Variants in IKBKB-DT observed in about 807,000 individuals in gnomAD.
IKBKB-DT encodes IKBKB divergent transcript, also known as IKBKB antisense RNA.
intron 3 of IKBKB-DT, among the ~76,000 whole-genome samples, chr8:42,242,088 G>T (rs550209869): frequency 6.6e-6 from 1 of 152,086 alleles, no homozygotes; most frequent in Non-Finnish European, 1.5e-5. Flanking sequence ...GTTGGTGCGC[G>T]CCTGTAATCT....
chr8:42,245,546 G>C (rs893560774), intron 3 of IKBKB-DT, among the ~76,000 whole-genome samples: 6 of 152,230 alleles, frequency 3.9e-5, no homozygotes, highest in Non-Finnish European at 8.8e-5. Flanking sequence ...GCCAGGCAGA[G>C]TAACGCAGGT....
intron 3 of IKBKB-DT, among the ~76,000 whole-genome samples, chr8:42,243,403 A>G (rs1199536416): frequency 6.6e-6 from 1 of 152,210 alleles, no homozygotes; most frequent in African/African-American, 2.4e-5. Context: ...AGGAGGAAAA[A>G]GAAGAAAGAG....
rs545410827 is a variant in IKBKB-DT at position 42,267,133 on chromosome 8, T to A, written n.604-737A>T. 6.6e-5 allele frequency among the ~76,000 whole-genome samples: 10 copies of A among 151,926 alleles called. No homozygotes were observed. The East Asian group carries it at 1.9e-3, about 30-fold the overall frequency. On this transcript the variant is annotated intron_variant and non_coding_transcript_variant, in intron 1 of 3. Transcript: ENST00000518213. Reference sequence around the variant, plus strand: ...CATTCTCCTGCCTCAGCCTCCTGAGTAGCTGGGACTACAGGCGCCCGCCAC... The same window carrying A: ...CATTCTCCTGCCTCAGCCTCCTGAGAAGCTGGGACTACAGGCGCCCGCCAC...
At chr8:42,239,741 G>T (rs1170211118) in intron 3 of IKBKB-DT, among the ~76,000 whole-genome samples, 1 of 149,284 alleles carries the variant, frequency 6.7e-6, no homozygotes, top group African/African-American at 2.5e-5. Flanking sequence ...TGCCTCACAG[G>T]TTCAAGTGAT....
chr8:42,256,816 G>C (rs1585466292), intron 3 of IKBKB-DT, among the ~76,000 whole-genome samples: 1 of 152,130 alleles, frequency 6.6e-6, no homozygotes, highest in South Asian at 2.1e-4. Flanking sequence ...GGGCCTACCA[G>C]GAAATGACTT....
chr8:42,264,635 T>C lies in IKBKB-DT; in HGVS notation n.1385+980A>G, dbSNP rs111633448. 9.7e-3 allele frequency among the ~76,000 whole-genome samples: 1,484 copies of C among 152,318 alleles called. 29 individuals carry two copies. Among genetic ancestry groups the C allele is most frequent in the African/African-American group, 0.034 (1,414 of 41,554 alleles). ...GTGCAGTAGCACGATCTCAGCTCAT[T>C]GCAGCCTCCGCCTCCCTAGTTCAAG... is the stretch of plus-strand genomic sequence containing the variant. On this transcript the variant is annotated intron_variant and non_coding_transcript_variant, in intron 2 of 3. Coordinates refer to ENST00000518213, the Ensembl canonical transcript of IKBKB-DT.
At chr8:42,255,031 CG>C (rs1563277226) in intron 3 of IKBKB-DT, among the ~76,000 whole-genome samples, 1 of 150,982 alleles carries the variant, frequency 6.6e-6, no homozygotes, top group Non-Finnish European at 1.5e-5. Flanking sequence ...GTGAGGAGCG[CG>C]TCTGCCCAGC....
chr8:42,248,886 A>ACAAATATC (rs1354603147), intron 3 of IKBKB-DT, among the ~76,000 whole-genome samples: 1 of 151,476 alleles, frequency 6.6e-6, no homozygotes, highest in Non-Finnish European at 1.5e-5. Flanking sequence ...AAAAAAAAAA[A>ACAAATATC]CAAATATCCC....
chr8:42,244,748 G>T (rs1162062865), intron 3 of IKBKB-DT, among the ~76,000 whole-genome samples: 4 of 152,168 alleles, frequency 2.6e-5, no homozygotes, highest in African/African-American at 7.2e-5. Flanking sequence ...TTGGGTCAGG[G>T]TTTGGAAAGA....
chr8:42,267,201 T>C (rs541529590), intron 1 of IKBKB-DT, among the ~76,000 whole-genome samples: 1 of 152,160 alleles, frequency 6.6e-6, no homozygotes, highest in African/African-American at 2.4e-5. Flanking sequence ...AGACGGGGTT[T>C]CACCGTGTTA....
At chr8:42,235,063 A>G (rs1806900539) in intron 3 of IKBKB-DT, among the ~76,000 whole-genome samples, 1 of 152,166 alleles carries the variant, frequency 6.6e-6, no homozygotes, top group Admixed American at 6.5e-5. Context: ...AGAGGTCATA[A>G]GATTTGCAAC....
chr8:42,255,523 CAACCACATAAAGA>C (rs1807186591), intron 3 of IKBKB-DT: 1 of 152,156 alleles, frequency 6.6e-6, no homozygotes, highest in South Asian at 2.1e-4. Flanking sequence ...ATCTGTAAGG[CAACCACATAAAGA>C]AACCACATAA....
At chr8:42,258,371 C>T (rs139672328) in intron 3 of IKBKB-DT, among the ~76,000 whole-genome samples, 32 of 152,128 alleles carry the variant, frequency 2.1e-4, no homozygotes, top group African/African-American at 7.7e-4. Context: ...TCTTGAACTC[C>T]TGGGCTCAAG....
chr8:42,249,929 A>T lies in IKBKB-DT; in HGVS notation n.1529+13400T>A, dbSNP rs535652975. The stretch of plus-strand genomic sequence containing the variant: ...TCGTCTTCACTAAAAATAAAAAAAA[A>T]AAATTCAGCTGGGTGTGGTGGTGTA... On this transcript the variant is annotated intron_variant and non_coding_transcript_variant, in intron 3 of 3. Transcript: ENST00000518213. Among the ~76,000 whole-genome samples the T allele has an allele frequency of 1.7e-3, 260 of 152,204 alleles. 1 individual carries two copies. Among genetic ancestry groups the T allele is most frequent in the African/African-American group, 5.9e-3 (247 of 41,544 alleles).
intron 3 of IKBKB-DT, among the ~76,000 whole-genome samples, chr8:42,237,156 G>A (rs984316333): frequency 2.0e-5 from 3 of 151,592 alleles, no homozygotes; most frequent in Admixed American, 6.6e-5. Flanking sequence ...GTACAATCTC[G>A]GCTTGCTGCA....
chr8:42,240,849 C>A (rs139080480), intron 3 of IKBKB-DT, among the ~76,000 whole-genome samples: 115 of 151,986 alleles, frequency 7.6e-4, no homozygotes, highest in African/African-American at 2.3e-3. Context: ...GTGGCACACA[C>A]CTTTACTCCC....
At chr8:42,256,722 T>G (rs377036297) in intron 3 of IKBKB-DT, among the ~76,000 whole-genome samples, 6 of 152,310 alleles carry the variant, frequency 3.9e-5, no homozygotes, top group African/African-American at 1.4e-4. Flanking sequence ...TTGAACGGTA[T>G]GATCTTAAAG....
intron 2 of IKBKB-DT, among the ~76,000 whole-genome samples, chr8:42,263,754 G>C (rs951281655): frequency 2.0e-5 from 3 of 152,186 alleles, no homozygotes; most frequent in Non-Finnish European, 2.9e-5. Flanking sequence ...TGGTGCATTA[G>C]AGCCACACTT....
chr8:42,244,431 C>T (rs1807038223), intron 3 of IKBKB-DT, among the ~76,000 whole-genome samples: 1 of 152,164 alleles, frequency 6.6e-6, no homozygotes, highest in South Asian at 2.1e-4. Context: ...ACATACGGAG[C>T]TATTGGTTAT....
Sources: gnomAD v4.1 joint callset for allele counts (sites outside exome capture counted in the v4.1 genomes callset) on GRCh38, gnomAD v4.1.1 for gene constraint, MANE v1.5 for transcripts, NCBI Gene and HGNC (gene_info 2026-07-23, HGNC 2026-07-21) for gene names.